CHD8: variants seen among roughly 807,000 people sequenced by gnomAD.
CHD8 encodes ATP-dependent chromatin remodeler CHD8.
In CHD8, 31 loss-of-function variants were observed where a neutral mutation model predicts 279.2. That is an observed-to-expected ratio of 0.11 (90% CI 0.08 to 0.15). CHD8 has a LOEUF of 0.15. Among genes scored for constraint, CHD8 ranks in the 10% least tolerant of loss-of-function variants. The probability of loss-of-function intolerance (pLI) is 1.00; values close to 1 mark genes in which losing one functional copy is unlikely to be tolerated. For missense variants in CHD8, 2,146 were observed against 3,230.5 expected (o/e 0.66, Z 8.14); for synonymous variants, 1,081 against 1,139.6 (o/e 0.95, Z 1.04).
chr14:21,441,160 G>C (rs1379043333), intron 1 of CHD8, among the ~76,000 whole-genome samples: 2 of 152,118 alleles, frequency 1.3e-5, no homozygotes, highest in African/African-American at 4.8e-5. Flanking sequence ...CAACCAGTTA[G>C]ACAATATTTG....
intron 1 of CHD8, among the ~76,000 whole-genome samples, chr14:21,454,662 C>T (rs930614634): frequency 1.3e-5 from 2 of 152,148 alleles, no homozygotes; most frequent in Admixed American, 6.6e-5. Flanking sequence ...TTCAAACTTG[C>T]CTACTCTCTC....
intron 1 of CHD8, chr14:21,437,318 TG>T (rs1889828189): frequency 9.1e-7 from 1 of 1,096,178 alleles, no homozygotes; most frequent in African/African-American, 1.7e-5. Flanking sequence ...TGAAGCGCAC[TG>T]CCACTCACCA....
chr14:21,428,268 G>A lies in CHD8; in HGVS notation c.1216-14C>T. Reference sequence around the variant, plus strand: ...GGAAGAGCCAGCCTATAGAAACAAAGATACTACAATTTCAACTTGCTTGTA... The same window carrying A: ...GGAAGAGCCAGCCTATAGAAACAAAAATACTACAATTTCAACTTGCTTGTA... On this transcript the variant is annotated splice_polypyrimidine_tract_variant and intron_variant, in intron 3 of 37. Coordinates refer to ENST00000646647, the MANE Select transcript of CHD8 (RefSeq NM_001170629.2). 1 of 1,607,752 alleles carries A rather than the reference G, an allele frequency of 6.2e-7. No individual in the cohort carries two copies. Among genetic ancestry groups the A allele is most frequent in the African/African-American group, 1.3e-5 (1 of 74,674 alleles).
Position 21,437,344 on chromosome 14 carries a change from C to CA in CHD8, c.-215-5487dup, listed in dbSNP as rs1337775389. 3.3e-6 allele frequency: 3 copies of CA among 912,846 alleles called. No homozygotes were observed. The African/African-American group carries it at 5.3e-5, about 16-fold the overall frequency. 56.5% of individuals were successfully genotyped at this position (912,846 alleles called of 1,614,324 possible). ...GCCACTCACCAAAGGCGAAAAGACG[C>CA]AAAACAGCGCAAAGGGTGGGACTAT... On this transcript the variant is annotated intron_variant, in intron 1 of 37. Transcript: ENST00000646647.
In CHD8 at chr14:21,393,230, T is replaced by C. The variant is rs201035068; in HGVS notation, c.6344A>G (p.Tyr2115Cys). ...KLTDQSRSKL[Y>C]DEESLLSLTM... is the part of the protein sequence containing the mutation. Reference sequence around the variant, plus strand: ...GAGGGACAGGAGACTCTCTTCATCATAGAGCTTTGAGCGGGACTGGTCAGC... The same window carrying C: ...GAGGGACAGGAGACTCTCTTCATCACAGAGCTTTGAGCGGGACTGGTCAGC... The change falls in exon 33 of 38, where the codon TAT becomes TGT. Residue 2115 changes from tyrosine (Y) to cysteine (C), a missense_variant. Physicochemically the swap from Tyr to Cys is radical, Grantham distance 194. This residue lies in a region of CHD8 where 513 missense variants were observed against 637.6 expected (regional missense o/e 0.80). Transcript: ENST00000646647. 3.1e-5 allele frequency: 50 copies of C among 1,613,854 alleles called. No individual in the cohort carries two copies. The highest frequency in any genetic ancestry group is 4.2e-5 in the Non-Finnish European group (49 of 1,179,892).
chr14:21,395,445 A>G (rs1048696754), intron 28 of CHD8, 93 bp from the exon 29 acceptor site: 9 of 838,442 alleles, frequency 1.1e-5, no homozygotes, highest in Non-Finnish European at 1.8e-5. Flanking sequence ...GTGTCCTTCT[A>G]TGGCACCAAG....
At chr14:21,392,450 T>C in intron 34 of CHD8, 57 bp downstream of exon 34, 2 of 1,521,804 alleles carry the variant, frequency 1.3e-6, no homozygotes, top group East Asian at 4.5e-5. Flanking sequence ...TAAAATTAGT[T>C]ACAGCAAGGA....
Position 21,399,479 on chromosome 14 carries a change from T to C in CHD8, c.4921+123A>G, listed in dbSNP as rs966898650. The C allele has an allele frequency of 4.7e-5, 33 of 700,270 alleles. No individual in the cohort carries two copies. The Admixed American group carries it at 4.8e-4, about 10-fold the overall frequency. The allele number at this position is 700,270 out of a possible 1,614,324, so 43.4% of individuals were successfully genotyped here. On this transcript the variant is annotated intron_variant, in intron 26 of 37. Transcript: ENST00000646647. ...TCTGGATATTTAAGAACTACTTTCCTACTCAAATTTATTGAAGATCAATCA... is the reference window on the plus strand; with the variant it reads ...TCTGGATATTTAAGAACTACTTTCCCACTCAAATTTATTGAAGATCAATCA...
chr14:21,440,982 A>G (rs891866241), intron 1 of CHD8, among the ~76,000 whole-genome samples: 8 of 152,064 alleles, frequency 5.3e-5, no homozygotes, highest in African/African-American at 1.9e-4. Flanking sequence ...TTTTCCATGG[A>G]AAGCTGGATC....
chr14:21,453,641 G>A (rs1422123098), intron 1 of CHD8, among the ~76,000 whole-genome samples: 2 of 151,876 alleles, frequency 1.3e-5, no homozygotes, highest in Non-Finnish European at 2.9e-5. Flanking sequence ...TTCTAGAGGT[G>A]AAAGTGGAGA....
chr14:21,424,113 A>T (rs1445642027), intron 5 of CHD8, among the ~76,000 whole-genome samples: 1 of 152,218 alleles, frequency 6.6e-6, no homozygotes, highest in African/African-American at 2.4e-5. Flanking sequence ...CCGGACAGTT[A>T]CTTTAAAATG....
At chr14:21,446,107 G>A (rs1247878788) in intron 1 of CHD8, among the ~76,000 whole-genome samples, 3 of 151,840 alleles carry the variant, frequency 2.0e-5, no homozygotes, top group Non-Finnish European at 4.4e-5. Flanking sequence ...CAGAAGAATT[G>A]CTTGAACCCA....
At position 21,394,433 on chromosome 14, in the gene CHD8, C is replaced by T. The variant is rs1181453173; in HGVS notation, c.5443G>A (p.Val1815Met). ...TGCATGGTGTCAGGGTCATATTCCA[C>T]ACCAAACGTAGACACCACTCGATAA... ...DFYRVVSTFG[V>M]EYDPDTMQFH... The change falls in exon 31 of 38, where the codon GTG (valine) becomes ATG (methionine). Residue 1815 changes from valine to methionine, a missense_variant. Around this residue, in one of 26 missense-constraint regions of CHD8, gnomAD observed 513 missense variants for 637.6 expected, o/e 0.80. Transcript: ENST00000646647. 6.2e-7 allele frequency: 1 copy of T among 1,613,082 alleles called. No individual in the cohort carries two copies. The highest frequency in any genetic ancestry group is 8.5e-7 in the Non-Finnish European group (1 of 1,179,476).
In CHD8 at chr14:21,393,552, A is replaced by T. The variant is rs201856289; in HGVS notation, c.6243T>A (p.Ser2081=). 189 of 1,609,386 alleles carry T rather than the reference A, an allele frequency of 1.2e-4. No individual in the cohort carries two copies. In the African/African-American group the frequency reaches 2.1e-3, roughly 18 times the overall value. ...SELDLSKLSP[S]SSSSSSSSSS... ...TGGATGAGGATGAGGAAGAAGAAGA[A>T]GATGGTGACAGCTTGCTCAAGTCCA... Residue 2081 remains serine (S), a synonymous_variant, in exon 32 of 38, where the codon TCT becomes TCA. Transcript: ENST00000646647.
At chr14:21,390,051 G>A (rs1304726575) in intron 37 of CHD8, among the ~76,000 whole-genome samples, 1 of 152,054 alleles carries the variant, frequency 6.6e-6, no homozygotes, top group African/African-American at 2.4e-5. Context: ...CTTGGCCAAC[G>A]TGGTGAAACC....
chr14:21,428,375 A>AAAG, intron 3 of CHD8, 121 bp from the exon 4 acceptor site: 1 of 885,346 alleles, frequency 1.1e-6, no homozygotes. Flanking sequence ...TCAAGCTCAG[A>AAAG]CTAAATCTTA....
In CHD8 at chr14:21,395,011, T is replaced by C; in HGVS notation, c.5291A>G (p.Gln1764Arg). 1 of 1,614,068 alleles carries C rather than the reference T, an allele frequency of 6.2e-7. No homozygotes were observed. The highest frequency in any genetic ancestry group is 8.5e-7 in the Non-Finnish European group (1 of 1,179,904). ...ACGTTCTGCAGCCTCTATCTTCATT[T>C]GTTCTCTCTTGTAGCTGCGCTGATA... ...TAYQRSYKRE[Q>R]MKIEAAERGD... Residue 1764 changes from glutamine (Q) to arginine (R), a missense_variant, in exon 30 of 38, where the codon CAA becomes CGA. This residue lies in a region of CHD8 where 513 missense variants were observed against 637.6 expected (regional missense o/e 0.80). Coordinates refer to ENST00000646647, the MANE Select transcript of CHD8 (RefSeq NM_001170629.2).
chr14:21,397,704 G>C, intron 27 of CHD8, 119 bp downstream of exon 27: 1 of 1,026,090 alleles, frequency 9.7e-7, no homozygotes. Context: ...TCCTATTTTT[G>C]CTAAGGATCT....
rs751633820 is a variant in CHD8, at chr14:21,393,271, T to C, written c.6320-17A>G. On this transcript the variant is annotated splice_polypyrimidine_tract_variant and intron_variant, in intron 32 of 37. Coordinates refer to ENST00000646647, the MANE Select transcript of CHD8 (RefSeq NM_001170629.2). ...ACTGGTCAGCTGGTAAGAGAGCCCA[T>C]AGAATGTGTGAGAAAAGATGGAAGA... 7.4e-6 allele frequency: 12 copies of C among 1,612,972 alleles called. No individual in the cohort carries two copies. Among genetic ancestry groups the C allele is most frequent in the Admixed American group, 5.0e-5 (3 of 59,790 alleles).
Sources: gnomAD v4.1 joint callset for allele counts (sites outside exome capture counted in the v4.1 genomes callset) on GRCh38, gnomAD v4.1.1 for gene constraint, gnomAD v4.1.1 regional missense constraint, MANE v1.5 for transcripts, NCBI Gene and HGNC (gene_info 2026-07-23, HGNC 2026-07-21) for gene names.